EHMT1: variants seen among roughly 807,000 people sequenced by gnomAD.
EHMT1 encodes histone-lysine N-methyltransferase EHMT1.
Under a neutral mutation model 147.2 loss-of-function variants are expected in EHMT1, and 15 were observed. The ratio of observed to expected loss-of-function variants is 0.10; its 90% CI spans 0.07 to 0.16. The LOEUF is 0.16. Among genes scored for constraint, EHMT1 ranks in the 10% least tolerant of loss-of-function variants. EHMT1 has a pLI of 1.00. For missense variants in EHMT1, 1,587 were observed against 1,772.4 expected (o/e 0.90, Z 1.88); for synonymous variants, 795 against 709.6 (o/e 1.12, Z -1.91).
chr9:137,764,619 A>C (rs1345874816), intron 10 of EHMT1: 2 of 152,224 alleles, frequency 1.3e-5, no homozygotes, highest in Non-Finnish European at 2.9e-5. Context: ...ACATAACAGC[A>C]ATGCTTTTCA....
chr9:137,664,762 G>A (rs940232436), intron 1 of EHMT1: 1 of 152,216 alleles, frequency 6.6e-6, no homozygotes, highest in Non-Finnish European at 1.5e-5. Context: ...TTGGGTTTCT[G>A]TGTGGGTTGC....
At position 137,834,909 on chromosome 9, in the gene EHMT1, G is replaced by C. The variant is rs758900811; in HGVS notation, c.3853G>C (p.Gly1285Arg). 3 of 1,592,622 alleles carry C rather than the reference G, an allele frequency of 1.9e-6. No individual in the cohort carries two copies. The change falls in exon 27 of 27, where the codon GGC becomes CGC. Residue 1285 changes from glycine to arginine, a missense_variant. Coordinates refer to ENST00000460843, the MANE Select transcript of EHMT1 (RefSeq NM_024757.5). ...ASAAQEAQED[G>R]LPDTSSAAAA... is the part of the protein sequence containing the mutation. ...CGCGGCCCAGGAGGCCCAGGAGGAC[G>C]GCTTGCCCGACACCAGCTCCGCGGC...
intron 4 of EHMT1, among the ~76,000 whole-genome samples, chr9:137,729,873 G>A (rs1333119547): frequency 6.6e-6 from 1 of 152,118 alleles, no homozygotes; most frequent in Non-Finnish European, 1.5e-5. Flanking sequence ...GAAGTATACC[G>A]CGACGCCGCT....
intron 1 of EHMT1, among the ~76,000 whole-genome samples, chr9:137,707,679 C>G (rs980283314): frequency 6.6e-6 from 1 of 152,198 alleles, no homozygotes; most frequent in Admixed American, 6.5e-5. Flanking sequence ...CATTCTTAAA[C>G]ATTTTTTCAA....
At chr9:137,824,646 T>G (rs1216484623) in intron 25 of EHMT1, among the ~76,000 whole-genome samples, 2 of 152,200 alleles carry the variant, frequency 1.3e-5, no homozygotes, top group Non-Finnish European at 2.9e-5. Context: ...TCTTTGAGTT[T>G]GATATTGAGT....
At chr9:137,707,060 G>C (rs1311475636) in intron 1 of EHMT1, among the ~76,000 whole-genome samples, 2 of 152,140 alleles carry the variant, frequency 1.3e-5, no homozygotes, top group African/African-American at 4.8e-5. Context: ...CCTGACCTCA[G>C]GTGATCCACT....
At chr9:137,666,955 C>G (rs952949056) in intron 1 of EHMT1, 1 of 152,248 alleles carries the variant, frequency 6.6e-6, no homozygotes, top group East Asian at 1.9e-4. Flanking sequence ...GCTGCCTGTT[C>G]TAGAACCGTA....
In EHMT1 at chr9:137,812,980, T is replaced by C. The variant is rs758404831; in HGVS notation, c.2868-26T>C. On this transcript the variant is annotated intron_variant, in intron 19 of 26. Transcript: ENST00000460843. ...CATTTTCAAGTCAGCTTTAAATGTT[T>C]TGTGGCCTTACATTTTCCCTTTTAG... is the stretch of plus-strand genomic sequence containing the variant. 5.6e-6 allele frequency: 9 copies of C among 1,613,660 alleles called. No homozygotes were observed. The East Asian group carries it at 1.6e-4, about 28-fold the overall frequency.
intron 1 of EHMT1, among the ~76,000 whole-genome samples, chr9:137,683,424 C>G (rs1358303250): frequency 6.6e-6 from 1 of 152,144 alleles, no homozygotes; most frequent in African/African-American, 2.4e-5. Flanking sequence ...ACCTTCCAAA[C>G]ATTTAACGAC....
At position 137,785,381 on chromosome 9, in the gene EHMT1, G is replaced by T. The variant is rs1951872700; in HGVS notation, c.2382+2984G>T. ...AATGTGGGTGCGCTGAGCCCGTGAG[G>T]GTGGGGTGCGCTGAGCCCGTGAGGG... On this transcript the variant is annotated intron_variant, in intron 15 of 26. Transcript: ENST00000460843. The T allele has an allele frequency of 4.0e-5, 6 of 151,262 alleles. No individual in the cohort carries two copies. In the South Asian group the frequency reaches 1.2e-3, roughly 30 times the overall value. The allele number at this position is 151,262 out of a possible 1,614,324, so 9.4% of individuals were successfully genotyped here.
intron 4 of EHMT1, chr9:137,742,937 C>T (rs7038230): frequency 0.29 from 74,441 of 259,710 alleles, 11,650 homozygotes; most frequent in Admixed American, 0.42. Flanking sequence ...CTTCCTGCTC[C>T]GCGCTGCGTC....
chr9:137,834,638 A>G, intron 26 of EHMT1, 114 bp downstream of exon 26: 1 of 1,594,208 alleles, frequency 6.3e-7, no homozygotes, highest in Non-Finnish European at 8.5e-7. Flanking sequence ...GTTTTCCTGT[A>G]GTTCTAAAAA....
intron 14 of EHMT1, among the ~76,000 whole-genome samples, chr9:137,780,625 GCTGAGATGTGTGGTGATGACGGCATCTCA>G (rs1951362034): frequency 1.7e-5 from 2 of 120,746 alleles, no homozygotes; most frequent in Admixed American, 8.1e-5. Flanking sequence ...TGGTGATGAC[GCTGAGATGTGTGGTGATGACGGCATCTCA>G]CTGAGATGTG....
rs138439289 is a variant in EHMT1 at position 137,729,749 on chromosome 9, A to G, written c.823+1220A>G. Among the ~76,000 whole-genome samples, 1,367 of 152,140 alleles carry G rather than the reference A, an allele frequency of 9.0e-3. 11 individuals are homozygous for G. The highest frequency in any genetic ancestry group is 0.014 in the Non-Finnish European group (965 of 67,986). ...CTTTTTTTTCTGAGACATGAATGTA[A>G]GTTGTAAACATTGTGCCCTTTTATC... is the stretch of plus-strand genomic sequence containing the variant. On this transcript the variant is annotated intron_variant, in intron 4 of 26. Coordinates refer to ENST00000460843, the MANE Select transcript of EHMT1 (RefSeq NM_024757.5).
intron 1 of EHMT1, among the ~76,000 whole-genome samples, chr9:137,627,003 G>T (rs759157565): frequency 6.6e-6 from 1 of 152,084 alleles, no homozygotes; most frequent in Non-Finnish European, 1.5e-5. Context: ...TGTTGCCTAG[G>T]CTGGAGTGCA....
intron 1 of EHMT1, among the ~76,000 whole-genome samples, chr9:137,635,408 A>G (rs900073717): frequency 3.3e-5 from 5 of 150,428 alleles, no homozygotes; most frequent in African/African-American, 4.9e-5. Flanking sequence ...GTAGAGACGG[A>G]GTTTCACCAT....
In EHMT1 at chr9:137,800,985, G is replaced by GT. The variant is rs1564788979; in HGVS notation, c.2712+2dup. The GT allele has an allele frequency of 6.2e-7, 1 of 1,614,004 alleles. No individual in the cohort carries two copies. Among genetic ancestry groups the GT allele is most frequent in the Non-Finnish European group, 8.5e-7 (1 of 1,179,902 alleles). ...CTCTGACATCAACATCCGAGACAAC[G>GT]TAAGTTCGTCACACCCTCCCCGGGA... On this transcript the variant is annotated splice_donor_variant, in intron 18 of 26. Coordinates refer to ENST00000460843, the MANE Select transcript of EHMT1 (RefSeq NM_024757.5). LOFTEE classifies it high-confidence loss of function.
At chr9:137,623,715 C>G (rs1266645795) in intron 1 of EHMT1, among the ~76,000 whole-genome samples, 1 of 152,180 alleles carries the variant, frequency 6.6e-6, no homozygotes, top group African/African-American at 2.4e-5. Flanking sequence ...GCCTCCGCAC[C>G]CGGCCGCAAA....
chr9:137,664,742 C>T (rs1289421303), intron 1 of EHMT1, among the ~76,000 whole-genome samples: 1 of 152,122 alleles, frequency 6.6e-6, no homozygotes, highest in Non-Finnish European at 1.5e-5. Flanking sequence ...AGGTGGAGGG[C>T]AGGATTCTCT....
Sources: gnomAD v4.1 joint callset for allele counts (sites outside exome capture counted in the v4.1 genomes callset) on GRCh38, gnomAD v4.1.1 for gene constraint, MANE v1.5 for transcripts, NCBI Gene and HGNC (gene_info 2026-07-23, HGNC 2026-07-21) for gene names.